The following DEPDC1B variants were observed in gnomAD, a reference collection of about 807,000 sequenced individuals.
DEPDC1B encodes the protein DEP domain containing 1B, also known as DEP domain-containing protein 1B.
A neutral mutation model predicts 66.5 loss-of-function variants in DEPDC1B; 51 were observed. That is an observed-to-expected ratio of 0.77 (90% CI 0.61 to 0.97). The LOEUF is 0.97. DEPDC1B is among the 50% of genes least tolerant of loss of function. The probability of loss-of-function intolerance (pLI) is 0.00; values close to 1 mark genes in which losing one functional copy is unlikely to be tolerated. For missense variants in DEPDC1B, 552 were observed against 637.1 expected (o/e 0.87, Z 1.44); for synonymous variants, 226 against 223.6 (o/e 1.01, Z -0.10).
chr5:60,605,757 A>C lies in DEPDC1B; in HGVS notation c.998T>G (p.Met333Arg). The C allele has an allele frequency of 6.2e-7, 1 of 1,613,846 alleles. No individual in the cohort carries two copies. The highest frequency in any genetic ancestry group is 8.5e-7 in the Non-Finnish European group (1 of 1,179,810). Reference sequence around the variant, plus strand: ...TTTGTTTAAGCAAATCCTTGCCATCATCCTCATCAATAGCTGTAACTTTCT... The same window carrying C: ...TTTGTTTAAGCAAATCCTTGCCATCCTCCTCATCAATAGCTGTAACTTTCT... ...NRRKLQLLMR[M>R]MARICLNKEM... The change falls in exon 8 of 11, where the codon ATG becomes AGG. Residue 333 changes from methionine to arginine, a missense_variant. Met to Arg is a moderately conservative substitution (Grantham distance 91). Coordinates refer to ENST00000265036, the MANE Select transcript of DEPDC1B (RefSeq NM_018369.3).
At chr5:60,608,303 T>C (rs1420708315) in intron 7 of DEPDC1B, among the ~76,000 whole-genome samples, 1 of 152,138 alleles carries the variant, frequency 6.6e-6, no homozygotes, top group African/African-American at 2.4e-5. Context: ...CTTACTGCAT[T>C]GTATCTACAT....
At chr5:60,624,764 C>T (rs986744305) in intron 7 of DEPDC1B, among the ~76,000 whole-genome samples, 2 of 152,088 alleles carry the variant, frequency 1.3e-5, no homozygotes, top group Admixed American at 6.5e-5. Context: ...GGTACATGTA[C>T]AGAACGTGCA....
chr5:60,627,296 A>G (rs1277669707), intron 7 of DEPDC1B, among the ~76,000 whole-genome samples: 1 of 152,170 alleles, frequency 6.6e-6, no homozygotes, highest in East Asian at 1.9e-4. Flanking sequence ...ACACAAGAAG[A>G]CCTACAAATA....
chr5:60,610,211 A>G (rs930194563), intron 7 of DEPDC1B, among the ~76,000 whole-genome samples: 3 of 152,258 alleles, frequency 2.0e-5, no homozygotes, highest in African/African-American at 7.2e-5. Flanking sequence ...TAGCCAGAAT[A>G]TCTGGATTAA....
chr5:60,597,956 T>G (rs367566056), intron 10 of DEPDC1B, 42 bp from the exon 11 acceptor site: 1 of 1,491,868 alleles, frequency 6.7e-7, no homozygotes. Flanking sequence ...AAAAGACACA[T>G]AAAAGCCAAT....
In DEPDC1B at chr5:60,603,846, T is replaced by TATATATATATATATAC. The variant is rs1491589366; in HGVS notation, c.1066-280_1066-279insGTATATATATATATAT. Among the ~76,000 whole-genome samples, 5 of 134,392 alleles carry TATATATATATATATAC rather than the reference T, an allele frequency of 3.7e-5. No individual in the cohort carries two copies. The Admixed American group carries it at 3.9e-4, about 10-fold the overall frequency. The allele number at this position is 134,392 out of a possible 152,430, so 88.2% of individuals were successfully genotyped here. A position where few individuals can be genotyped will look rare whatever the true frequency, so the allele number is the denominator to read the frequency against. On this transcript the variant is annotated intron_variant, in intron 8 of 10. Coordinates refer to ENST00000265036, the MANE Select transcript of DEPDC1B (RefSeq NM_018369.3). ...ATATACATATATATATATATATATA[T>TATATATATATATATAC]ACACACACATACACACATATAAATA...
At chr5:60,676,234 T>TTC (rs1278765360) in intron 2 of DEPDC1B, among the ~76,000 whole-genome samples, 8 of 47,276 alleles carry the variant, frequency 1.7e-4, no homozygotes, top group Non-Finnish European at 2.1e-4. Flanking sequence ...CCGGCCTTTT[T>TTC]TTTTTTTTTC....
At chr5:60,618,901 C>G (rs1752633568) in intron 7 of DEPDC1B, among the ~76,000 whole-genome samples, 1 of 152,310 alleles carries the variant, frequency 6.6e-6, no homozygotes, top group East Asian at 1.9e-4. Flanking sequence ...AAAGTACTGG[C>G]AAACCGAATC....
chr5:60,612,672 C>T (rs1289880083), intron 7 of DEPDC1B, among the ~76,000 whole-genome samples: 2 of 119,426 alleles, frequency 1.7e-5, no homozygotes, highest in South Asian at 2.8e-4. Context: ...GGTGATAGAA[C>T]ATTTGATTAG....
intron 6 of DEPDC1B, among the ~76,000 whole-genome samples, chr5:60,639,952 T>C (rs570138177): frequency 2.0e-5 from 3 of 152,188 alleles, no homozygotes; most frequent in Non-Finnish European, 4.4e-5. Flanking sequence ...AAGGAAATTC[T>C]TCCTACAGAA....
chr5:60,641,768 A>G lies in DEPDC1B; in HGVS notation c.757+1044T>C, dbSNP rs1446626970. 3.3e-5 allele frequency among the ~76,000 whole-genome samples: 5 copies of G among 152,326 alleles called. No individual in the cohort carries two copies. In the East Asian group the frequency reaches 9.7e-4, roughly 29 times the overall value. On this transcript the variant is annotated intron_variant, in intron 6 of 10. Coordinates refer to ENST00000265036, the MANE Select transcript of DEPDC1B (RefSeq NM_018369.3). Reference sequence around the variant, plus strand: ...ACTTCAAATGCCTGAGCAGGAAGAAAAAAAAGCACTTCCCCAAGCTAAGAC... The same window carrying G: ...ACTTCAAATGCCTGAGCAGGAAGAAGAAAAAGCACTTCCCCAAGCTAAGAC...
intron 2 of DEPDC1B, among the ~76,000 whole-genome samples, chr5:60,652,123 A>G (rs1449344731): frequency 6.7e-6 from 1 of 149,506 alleles, no homozygotes; most frequent in East Asian, 2.0e-4. Flanking sequence ...CATATTTAAT[A>G]AGCTAAAGGA....
intron 2 of DEPDC1B, among the ~76,000 whole-genome samples, chr5:60,657,148 T>C (rs1469880352): frequency 2.0e-5 from 3 of 152,246 alleles, no homozygotes; most frequent in Admixed American, 6.5e-5. Context: ...TGGAATATCT[T>C]TTTCTACCCC....
At chr5:60,644,221 G>C (rs914603118) in intron 5 of DEPDC1B, among the ~76,000 whole-genome samples, 1 of 152,080 alleles carries the variant, frequency 6.6e-6, no homozygotes, top group Non-Finnish European at 1.5e-5. Flanking sequence ...CTGTTATATG[G>C]TTCTTTTGTT....
At chr5:60,668,846 C>CT (rs760051091) in intron 2 of DEPDC1B, among the ~76,000 whole-genome samples, 1 of 152,158 alleles carries the variant, frequency 6.6e-6, no homozygotes, top group East Asian at 1.9e-4. Flanking sequence ...TGAAGGATGT[C>CT]TTTCTCAATA....
chr5:60,603,826 CATATATATATAT>C (rs34747463), intron 8 of DEPDC1B, among the ~76,000 whole-genome samples: 5 of 146,086 alleles, frequency 3.4e-5, no homozygotes, highest in Admixed American at 2.1e-4. Flanking sequence ...TTTAAATATA[CATATATATATAT>C]ATATATATAC....
intron 1 of DEPDC1B, among the ~76,000 whole-genome samples, chr5:60,693,348 G>C (rs1754588121): frequency 6.6e-6 from 1 of 152,040 alleles, no homozygotes; most frequent in Admixed American, 6.6e-5. Context: ...AACAGGAAAA[G>C]CAGAGCAAAG....
chr5:60,636,786 T>G (rs1753053531), intron 7 of DEPDC1B, among the ~76,000 whole-genome samples: 1 of 152,148 alleles, frequency 6.6e-6, no homozygotes, highest in Non-Finnish European at 1.5e-5. Flanking sequence ...GGTTAATGTA[T>G]TACCATCCAT....
In DEPDC1B at chr5:60,603,513, C is replaced by A. The variant is rs762336417; in HGVS notation, c.1120G>T (p.Asp374Tyr). 2 of 1,609,274 alleles carry A rather than the reference C, an allele frequency of 1.2e-6. No homozygotes were observed. Among genetic ancestry groups the A allele is most frequent in the South Asian group, 2.2e-5 (2 of 89,758 alleles). The part of the protein sequence containing the change: ...ILCSKDEVDL[D>Y]ELLAARLVTF... ...ACCAATCTAGCAGCTAATAACTCAT[C>A]CAAGTCCACTTCATCCTTGGAACAC... The change falls in exon 9 of 11, where the codon GAT (aspartate) becomes TAT (tyrosine). Residue 374 changes from aspartate (D) to tyrosine (Y), a missense_variant. Transcript: ENST00000265036.
Sources: gnomAD v4.1 joint callset for allele counts (sites outside exome capture counted in the v4.1 genomes callset) on GRCh38, gnomAD v4.1.1 for gene constraint, MANE v1.5 for transcripts, NCBI Gene and HGNC (gene_info 2026-07-23, HGNC 2026-07-21) for gene names.